Variants in TAF2 observed in about 807,000 individuals in gnomAD.
TAF2 encodes the protein TATA-box binding protein associated factor 2, also known as transcription initiation factor TFIID subunit 2.
TAF2 carries 61 observed loss-of-function variants against 138.5 expected under a neutral mutation model. The ratio of observed to expected loss-of-function variants is 0.44; its 90% confidence interval spans 0.36 to 0.54. The LOEUF (loss-of-function observed/expected upper bound fraction) is 0.54, where lower values mean the gene tolerates loss of function less well. TAF2 is among the 20% of genes least tolerant of loss of function. TAF2 has a pLI of 0.00. For missense variants in TAF2, 1,090 were observed against 1,427.9 expected, an observed-to-expected ratio of 0.76 and a Z score of 3.81; for synonymous variants, 475 against 469.9, an observed-to-expected ratio of 1.01 and a Z score of -0.14.
chr8:119,776,212 G>T (rs949855058), intron 18 of TAF2, among the ~76,000 whole-genome samples: 10 of 152,036 alleles, frequency 6.6e-5, no homozygotes, highest in African/African-American at 2.2e-4. Flanking sequence ...AAGAAAAAAT[G>T]AATTAATGTA....
intron 6 of TAF2, among the ~76,000 whole-genome samples, chr8:119,800,119 T>C (rs1331578344): frequency 1.3e-5 from 2 of 152,250 alleles, no homozygotes; most frequent in Non-Finnish European, 2.9e-5. Context: ...TGGTAGTTTC[T>C]TTTGCTGTGC....
rs1005981193 is a variant in TAF2, at chr8:119,788,327, G to A, written c.1793+11C>T. The A allele has an allele frequency of 6.3e-6, 10 of 1,599,142 alleles. No homozygotes were observed. Among genetic ancestry groups the A allele is most frequent in the South Asian group, 4.4e-5 (4 of 90,848 alleles). The stretch of plus-strand genomic sequence containing the variant: ...TTAACTTTCAATTTATAGTTATTAT[G>A]TAATGCCTACCTTCTACTTTTGGAA... On this transcript the variant is annotated intron_variant, in intron 14 of 25. Transcript: ENST00000378164.
chr8:119,832,350 T>C (rs10505374), intron 1 of TAF2, 132 bp downstream of exon 1: 239,563 of 784,520 alleles, frequency 0.31, 40,525 homozygotes, highest in Admixed American at 0.48. Context: ...CAAACACCAT[T>C]TCCATCACAG....
At chr8:119,785,148 C>T in intron 15 of TAF2, 53 bp downstream of exon 15, 1 of 1,429,434 alleles carries the variant, frequency 7.0e-7, no homozygotes, top group Non-Finnish European at 9.9e-7. Flanking sequence ...ACAAAGTAGA[C>T]AGATGAGAAT....
intron 18 of TAF2, among the ~76,000 whole-genome samples, chr8:119,763,133 G>A (rs187870868): frequency 3.3e-5 from 5 of 152,102 alleles, no homozygotes; most frequent in Admixed American, 2.6e-4. Flanking sequence ...CTATCTGCCC[G>A]CTATTGACTT....
intron 14 of TAF2, 60 bp downstream of exon 14, chr8:119,788,278 A>T (rs1199206732): frequency 6.8e-7 from 1 of 1,466,954 alleles, no homozygotes; most frequent in East Asian, 2.3e-5. Flanking sequence ...TTATTTTGGC[A>T]TTTTAGTCTG....
intron 2 of TAF2, among the ~76,000 whole-genome samples, chr8:119,823,283 G>A (rs1205756342): frequency 6.6e-6 from 1 of 152,122 alleles, no homozygotes; most frequent in African/African-American, 2.4e-5. Flanking sequence ...GACTTATGCA[G>A]TCATCATTCC....
rs371741770 is a variant in TAF2 at position 119,783,385 on chromosome 8, G to A, written c.2108C>T (p.Ala703Val). The A allele has an allele frequency of 1.2e-6, 2 of 1,614,004 alleles. No individual in the cohort carries two copies. Among genetic ancestry groups the A allele is most frequent in the Non-Finnish European group, 1.7e-6 (2 of 1,180,000 alleles). ...RVRMSACFCL[A>V]KIANSMVSTW... The stretch of plus-strand genomic sequence containing the variant: ...TTATGCTGTATATAATCTCACCTTT[G>A]CAAGACAGAAGCAAGCTGACATTCT... Residue 703 changes from alanine (A) to valine (V), a missense_variant, in exon 16 of 26, where the codon GCA becomes GTA. Ala to Val is a moderately conservative substitution (Grantham distance 64). Coordinates refer to ENST00000378164, the MANE Select transcript of TAF2 (RefSeq NM_003184.4).
rs545301437 is a variant in TAF2 at position 119,787,640 on chromosome 8, G to A, written c.1793+698C>T. ...ATAGGAATGCTTTTACACTGTTGGT[G>A]GAAGTGTAAATTAGTTCAACCATTG... On this transcript the variant is annotated intron_variant, in intron 14 of 25. Transcript: ENST00000378164. Among the ~76,000 whole-genome samples, 377 of 152,300 alleles carry A rather than the reference G, an allele frequency of 2.5e-3. 3 individuals are homozygous for A. Among genetic ancestry groups the A allele is most frequent in the African/African-American group, 8.1e-3 (336 of 41,572 alleles).
intron 18 of TAF2, among the ~76,000 whole-genome samples, chr8:119,772,614 A>G (rs1563855524): frequency 6.6e-6 from 1 of 152,116 alleles, no homozygotes; most frequent in African/African-American, 2.4e-5. Flanking sequence ...ATAAATTTTT[A>G]AAAGATACAC....
At chr8:119,776,072 G>A (rs188466953) in intron 18 of TAF2, among the ~76,000 whole-genome samples, 56 of 152,284 alleles carry the variant, frequency 3.7e-4, no homozygotes, top group African/African-American at 1.3e-3. Context: ...ATTAAAAAAT[G>A]TTGGACTATC....
intron 6 of TAF2, among the ~76,000 whole-genome samples, chr8:119,800,125 T>G (rs1196758504): frequency 6.6e-6 from 1 of 152,248 alleles, no homozygotes; most frequent in Non-Finnish European, 1.5e-5. Flanking sequence ...TTTCTTTTGC[T>G]GTGCAGAAAC....
At chr8:119,773,238 G>A (rs1821978439) in intron 18 of TAF2, among the ~76,000 whole-genome samples, 1 of 151,212 alleles carries the variant, frequency 6.6e-6, no homozygotes, top group South Asian at 2.1e-4. Flanking sequence ...ATAGCATTGT[G>A]CTAAAGCTAT....
chr8:119,814,514 G>A (rs1190332960), intron 3 of TAF2, among the ~76,000 whole-genome samples: 2 of 151,474 alleles, frequency 1.3e-5, no homozygotes, highest in African/African-American at 4.9e-5. Context: ...TACTAAAATA[G>A]ATAATTTCAT....
intron 3 of TAF2, among the ~76,000 whole-genome samples, chr8:119,808,440 A>C (rs1824814868): frequency 6.6e-6 from 1 of 152,128 alleles, no homozygotes; most frequent in African/African-American, 2.4e-5. Flanking sequence ...AACCCCTCAA[A>C]GTCATCCATG....
chr8:119,831,920 G>A (rs1257125044), intron 1 of TAF2, among the ~76,000 whole-genome samples, 189 bp from the exon 2 acceptor site: 1 of 152,134 alleles, frequency 6.6e-6, no homozygotes, highest in Non-Finnish European at 1.5e-5. Context: ...CAGCACTTTG[G>A]GAGGCCACGG....
At chr8:119,823,930 T>C (rs1300778144) in intron 2 of TAF2, among the ~76,000 whole-genome samples, 1 of 152,204 alleles carries the variant, frequency 6.6e-6, no homozygotes, top group East Asian at 1.9e-4. Context: ...TTGCTATGTT[T>C]TCGCATAGAG....
Position 119,806,228 on chromosome 8 carries a change from G to A in TAF2, c.418+55C>T, listed in dbSNP as rs1824632548. The A allele has an allele frequency of 1.4e-5, 20 of 1,418,730 alleles. No individual in the cohort carries two copies. In the Middle Eastern group the frequency reaches 8.8e-4, roughly 62 times the overall value. The allele number at this position is 1,418,730 out of a possible 1,614,324, so 87.9% of individuals were successfully genotyped here. On this transcript the variant is annotated intron_variant, in intron 4 of 25. Coordinates refer to ENST00000378164, the MANE Select transcript of TAF2 (RefSeq NM_003184.4). ...ATTAGTTCTCATGTAAAATTCTCTAGTGTCTGAATCTAACGTGATTTTAGT... is the reference window on the plus strand; with the variant it reads ...ATTAGTTCTCATGTAAAATTCTCTAATGTCTGAATCTAACGTGATTTTAGT...
intron 22 of TAF2, among the ~76,000 whole-genome samples, chr8:119,751,303 C>G (rs1820333299): frequency 6.6e-6 from 1 of 152,290 alleles, no homozygotes; most frequent in East Asian, 1.9e-4. Context: ...ACACCTGTCC[C>G]TCATTGCCCA....
Sources: gnomAD v4.1 joint callset for allele counts (sites outside exome capture counted in the v4.1 genomes callset) on GRCh38, gnomAD v4.1.1 for gene constraint, MANE v1.5 for transcripts, NCBI Gene and HGNC (gene_info 2026-07-23, HGNC 2026-07-21) for gene names.